CYP3A43: variants seen among roughly 807,000 people sequenced by gnomAD.
The protein encoded by CYP3A43 is cytochrome P450 3A43.
CYP3A43 carries 45 observed loss-of-function variants against 58.0 expected under a neutral mutation model. That is an observed-to-expected ratio of 0.78 (90% confidence interval 0.61 to 0.99). CYP3A43 has a LOEUF of 0.99. CYP3A43 is among the 50% of genes least tolerant of loss of function. The probability of loss-of-function intolerance (pLI) is 0.00; values close to 1 mark genes in which losing one functional copy is unlikely to be tolerated. For missense variants in CYP3A43, 593 were observed against 591.9 expected (o/e 1.00, Z -0.02); for synonymous variants, 191 against 201.4 (o/e 0.95, Z 0.44).
chr7:99,860,856 T>C (rs1818200257), intron 10 of CYP3A43, among the ~76,000 whole-genome samples: 1 of 151,292 alleles, frequency 6.6e-6, no homozygotes, highest in Admixed American at 6.6e-5. Context: ...TATAGGGTTT[T>C]TATATAACAT....
chr7:99,864,922 T>C (rs1356623654), intron 12 of CYP3A43, among the ~76,000 whole-genome samples: 2 of 148,452 alleles, frequency 1.3e-5, no homozygotes, highest in Non-Finnish European at 2.9e-5. Flanking sequence ...AATGAACACT[T>C]GTCATTTATT....
chr7:99,863,243 T>C (rs1044887334), intron 11 of CYP3A43, among the ~76,000 whole-genome samples: 2 of 152,224 alleles, frequency 1.3e-5, no homozygotes, highest in Admixed American at 6.5e-5. Flanking sequence ...GAATTTTCTC[T>C]AAAATATAAG....
At chr7:99,849,922 T>C in intron 7 of CYP3A43, 1 of 598,314 alleles carries the variant, frequency 1.7e-6, no homozygotes, top group East Asian at 3.4e-5. Flanking sequence ...CCACATACCA[T>C]TTAACCATCA....
chr7:99,832,552 AG>A (rs1324459231), intron 1 of CYP3A43, among the ~76,000 whole-genome samples: 4 of 32,598 alleles, frequency 1.2e-4, no homozygotes, highest in South Asian at 2.5e-3. Context: ...GGGTGGGGGG[AG>A]GGGGGAGGGA....
At chr7:99,849,784 T>A in intron 7 of CYP3A43, 90 bp downstream of exon 7, 1 of 1,264,518 alleles carries the variant, frequency 7.9e-7, no homozygotes. Flanking sequence ...TCACATACCA[T>A]ATAATTCACC....
Position 99,854,326 on chromosome 7 carries a change from C to A in CYP3A43, c.671-1265C>A, listed in dbSNP as rs1275417934. On this transcript the variant is annotated intron_variant, in intron 7 of 12. Transcript: ENST00000354829. ...GGTTTAAGCAATTCTCCTTTCTCACCCTCCTGAGTAGCTGGGATTACAAGT... is the reference window on the plus strand; with the variant it reads ...GGTTTAAGCAATTCTCCTTTCTCACACTCCTGAGTAGCTGGGATTACAAGT... Among the ~76,000 whole-genome samples, 6 of 151,656 alleles carry A rather than the reference C, an allele frequency of 4.0e-5. No homozygotes were observed. In the East Asian group the frequency reaches 1.2e-3, roughly 29 times the overall value.
At position 99,844,238 on chromosome 7, in the gene CYP3A43, A is replaced by G. The variant is rs748042277; in HGVS notation, c.314A>G (p.Gln105Arg). Residue 105 changes from glutamine to arginine, a missense_variant, in exon 4 of 13, where the codon CAG becomes CGG. Physicochemically the swap from Gln to Arg is conservative, Grantham distance 43. Transcript: ENST00000354829. Reference protein sequence around the residue: ...VKECYSVFTNQMPLGPMGFLK... With the variant: ...VKECYSVFTNRMPLGPMGFLK... Reference sequence around the variant, plus strand: ...GAATGTTACTCTGTCTTCACAAACCAGATGGTAGGCCTATATTTTCAAATG... The same window carrying G: ...GAATGTTACTCTGTCTTCACAAACCGGATGGTAGGCCTATATTTTCAAATG... 2 of 1,613,060 alleles carry G rather than the reference A, an allele frequency of 1.2e-6. No individual in the cohort carries two copies. The highest frequency in any genetic ancestry group is 1.7e-6 in the Non-Finnish European group (2 of 1,179,568).
intron 3 of CYP3A43, among the ~76,000 whole-genome samples, chr7:99,842,081 TAATTA>T (rs1167959176): frequency 2.0e-5 from 3 of 152,198 alleles, no homozygotes; most frequent in Non-Finnish European, 4.4e-5. Context: ...TCTAAACAAT[TAATTA>T]AAAGATCAAA....
In CYP3A43 at chr7:99,863,673, T is replaced by A; in HGVS notation, c.1390T>A (p.Ser464Thr). The change falls in exon 12 of 13, where the codon TCC becomes ACC. Residue 464 changes from serine to threonine, a missense_variant. Ser to Thr is a moderately conservative substitution (Grantham distance 58). Transcript: ENST00000354829. Reference sequence around the variant, plus strand: ...TGTCATTAGAGCACTGCAGAACTTCTCCTTCAAACCTTGTAAAGAGACTCA... The same window carrying A: ...TGTCATTAGAGCACTGCAGAACTTCACCTTCAAACCTTGTAAAGAGACTCA... ...LAVIRALQNF[S>T]FKPCKETQIP... 6.2e-7 allele frequency: 1 copy of A among 1,608,384 alleles called. No individual in the cohort carries two copies. The highest frequency in any genetic ancestry group is 2.2e-5 in the East Asian group (1 of 44,820).
intron 11 of CYP3A43, among the ~76,000 whole-genome samples, chr7:99,862,278 G>A (rs767748186): frequency 3.9e-5 from 6 of 152,064 alleles, no homozygotes; most frequent in Non-Finnish European, 7.4e-5. Context: ...TTAGCTCTCT[G>A]AATTTAGCAC....
chr7:99,847,783 G>T, intron 5 of CYP3A43, 182 bp downstream of exon 5: 1 of 873,062 alleles, frequency 1.1e-6, no homozygotes, highest in Non-Finnish European at 1.8e-6. Context: ...AGGCCGAGGT[G>T]GGTGGATCAC....
intron 3 of CYP3A43, among the ~76,000 whole-genome samples, chr7:99,843,751 G>A (rs1178554483): frequency 1.3e-5 from 2 of 152,160 alleles, no homozygotes. Context: ...ACAAGTGTGA[G>A]CCACTGCACC....
intron 12 of CYP3A43, among the ~76,000 whole-genome samples, chr7:99,865,675 G>A (rs555521256): frequency 6.7e-6 from 1 of 148,778 alleles, no homozygotes; most frequent in Admixed American, 6.6e-5. Flanking sequence ...GCCTGGCACA[G>A]AATAGATACT....
chr7:99,833,073 T>C (rs1454102554), intron 1 of CYP3A43, among the ~76,000 whole-genome samples: 1 of 152,238 alleles, frequency 6.6e-6, no homozygotes, highest in East Asian at 1.9e-4. Flanking sequence ...TTATTAAGCA[T>C]TCACTCTAGC....
In CYP3A43 at chr7:99,828,015, C is replaced by T; in HGVS notation, c.-101C>T. ...TCGCTGTTAACATTAACTAAATCACCTCTGGGCAGAGAAACAAAGCTCTAT... is the reference window on the plus strand; with the variant it reads ...TCGCTGTTAACATTAACTAAATCACTTCTGGGCAGAGAAACAAAGCTCTAT... On this transcript the variant is annotated 5_prime_UTR_variant, in exon 1 of 13. Transcript: ENST00000354829. The T allele has an allele frequency of 1.1e-6, 1 of 909,022 alleles. No homozygotes were observed. The highest frequency in any genetic ancestry group is 1.7e-6 in the Non-Finnish European group (1 of 601,792). The allele number at this position is 909,022 out of a possible 1,614,324, so 56.3% of individuals were successfully genotyped here.
At chr7:99,839,343 G>T in intron 3 of CYP3A43, 171 bp downstream of exon 3, 1 of 808,814 alleles carries the variant, frequency 1.2e-6, no homozygotes, top group Non-Finnish European at 2.1e-6. Context: ...ATTGAGCATT[G>T]CAAGGGGAAT....
At chr7:99,854,314 C>G (rs1198449375) in intron 7 of CYP3A43, among the ~76,000 whole-genome samples, 1 of 150,722 alleles carries the variant, frequency 6.6e-6, no homozygotes, top group Non-Finnish European at 1.5e-5. Context: ...TTAAGCAATT[C>G]TCCTTTCTCA....
intron 1 of CYP3A43, among the ~76,000 whole-genome samples, chr7:99,830,623 G>C (rs933789279): frequency 6.6e-6 from 1 of 152,118 alleles, no homozygotes; most frequent in African/African-American, 2.4e-5. Context: ...ATTATAATAA[G>C]ATGACTTTTG....
At position 99,865,942 on chromosome 7, in the gene CYP3A43, C is replaced by T. The variant is rs764609723; in HGVS notation, c.1453C>T (p.Pro485Ser). 9 of 1,608,306 alleles carry T rather than the reference C, an allele frequency of 5.6e-6. No homozygotes were observed. The highest frequency in any genetic ancestry group is 7.6e-6 in the Non-Finnish European group (9 of 1,177,544). The change falls in exon 13 of 13, where the codon CCA (proline) becomes TCA (serine). Residue 485 changes from proline to serine, a missense_variant. Physicochemically the swap from Pro to Ser is moderately conservative, Grantham distance 74. Coordinates refer to ENST00000354829, the MANE Select transcript of CYP3A43 (RefSeq NM_057095.3). ...LKLDNLPILQ[P>S]EKPIVLKVHL... is the part of the protein sequence containing the mutation. ...ATTAGACAATCTACCAATTCTTCAACCAGAAAAACCTATTGTTCTAAAAGT... is the reference window on the plus strand; with the variant it reads ...ATTAGACAATCTACCAATTCTTCAATCAGAAAAACCTATTGTTCTAAAAGT...
Sources: gnomAD v4.1 joint callset for allele counts (sites outside exome capture counted in the v4.1 genomes callset) on GRCh38, gnomAD v4.1.1 for gene constraint, MANE v1.5 for transcripts, NCBI Gene and HGNC (gene_info 2026-07-23, HGNC 2026-07-21) for gene names.